FBXO16: variants seen among roughly 807,000 people sequenced by gnomAD.
FBXO16 encodes the protein F-box protein 16.
FBXO16 carries 31 observed loss-of-function variants against 41.0 expected under a neutral mutation model. The ratio of observed to expected loss-of-function variants is 0.76; its 90% CI spans 0.57 to 1.02. FBXO16 has a LOEUF of 1.02. FBXO16 is among the 50% of genes least tolerant of loss of function. The probability of loss-of-function intolerance (pLI) is 0.00; values close to 1 mark genes in which losing one functional copy is unlikely to be tolerated. For missense variants in FBXO16, 361 were observed against 346.2 expected (o/e 1.04, Z -0.34); for synonymous variants, 133 against 117.8 (o/e 1.13, Z -0.84).
rs1803668982 is a variant in FBXO16 at position 28,490,198 on chromosome 8, G to A, written c.-29C>T. ...CCACAGCTCTCACCTCTTTTAGCTT[G>A]TCTCCCTCTTCAAGCCTCAAGCGCT... On this transcript the variant is annotated 5_prime_UTR_variant, in exon 1 of 9. Coordinates refer to ENST00000380254, the MANE Select transcript of FBXO16 (RefSeq NM_172366.4). 1 of 152,144 alleles carries A rather than the reference G, an allele frequency of 6.6e-6. No homozygotes were observed. Among genetic ancestry groups the A allele is most frequent in the Non-Finnish European group, 1.5e-5 (1 of 68,034 alleles). The allele number at this position is 152,144 out of a possible 1,614,324, so 9.4% of individuals were successfully genotyped here.
At chr8:28,457,301 T>C (rs1188508301) in intron 4 of FBXO16, among the ~76,000 whole-genome samples, 1 of 152,236 alleles carries the variant, frequency 6.6e-6, no homozygotes, top group African/African-American at 2.4e-5. Flanking sequence ...CTGAAGGTCA[T>C]ATAAAAGTTG....
At chr8:28,463,456 ATATG>A (rs1189976988) in intron 4 of FBXO16, among the ~76,000 whole-genome samples, 152 bp downstream of exon 4, 2 of 151,164 alleles carry the variant, frequency 1.3e-5, no homozygotes, top group Admixed American at 6.6e-5. Flanking sequence ...GTTTATGAGT[ATATG>A]TGTGTCTAAG....
At chr8:28,489,521 T>C in intron 1 of FBXO16, among the ~76,000 whole-genome samples, 1 of 41,144 alleles carries the variant, frequency 2.4e-5, no homozygotes, top group Admixed American at 3.3e-4. Context: ...AAACCCTATC[T>C]CTACAAAAAA....
chr8:28,465,626 A>G (rs968540906), intron 3 of FBXO16, among the ~76,000 whole-genome samples: 1 of 152,106 alleles, frequency 6.6e-6, no homozygotes, highest in African/African-American at 2.4e-5. Flanking sequence ...AAAAATAAAA[A>G]AAAAATAAAA....
chr8:28,464,749 G>T (rs1803205744), intron 3 of FBXO16, among the ~76,000 whole-genome samples: 2 of 152,138 alleles, frequency 1.3e-5, no homozygotes, highest in African/African-American at 4.8e-5. Flanking sequence ...CACCTCCTGG[G>T]TTCAAGTGAT....
At chr8:28,447,379 G>T in intron 6 of FBXO16, 106 bp from the exon 7 acceptor site, 1 of 981,994 alleles carries the variant, frequency 1.0e-6, no homozygotes, top group Non-Finnish European at 1.5e-6. Context: ...TGATTTAAAA[G>T]ATTGTCTCCA....
chr8:28,483,546 C>G, intron 1 of FBXO16, 84 bp from the exon 2 acceptor site: 1 of 901,166 alleles, frequency 1.1e-6, no homozygotes, highest in Non-Finnish European at 1.8e-6. Context: ...CAGCCAGGCA[C>G]GATGGCTCAC....
At chr8:28,441,745 A>AAC (rs1184598789) in intron 7 of FBXO16, among the ~76,000 whole-genome samples, 2 of 139,606 alleles carry the variant, frequency 1.4e-5, no homozygotes, top group African/African-American at 5.3e-5. Context: ...TCAAAAAAAA[A>AAC]AAAAAACTAA....
chr8:28,473,846 C>A (rs781750893), intron 2 of FBXO16, 39 bp from the exon 3 acceptor site: 11 of 1,476,966 alleles, frequency 7.4e-6, no homozygotes, highest in Non-Finnish European at 9.4e-6. Flanking sequence ...TTTCATATAC[C>A]ATAGTTCAAA....
At chr8:28,428,888 C>T (rs1802566401) in intron 8 of FBXO16, 152 bp from the exon 9 acceptor site, 2 of 893,870 alleles carry the variant, frequency 2.2e-6, no homozygotes, top group Non-Finnish European at 3.3e-6. Context: ...CTCCCCTCTG[C>T]CCCCATGCAA....
intron 2 of FBXO16, among the ~76,000 whole-genome samples, chr8:28,474,826 ATGTGAT>A (rs1348134476): frequency 6.6e-6 from 1 of 152,238 alleles, no homozygotes; most frequent in East Asian, 1.9e-4. Context: ...AATTGAAAGA[ATGTGAT>A]TGTGAGAATG....
chr8:28,464,774 C>T (rs947006800), intron 3 of FBXO16, among the ~76,000 whole-genome samples: 3 of 152,156 alleles, frequency 2.0e-5, no homozygotes, highest in East Asian at 3.8e-4. Flanking sequence ...CTGCCTCAGC[C>T]TCCCGAGTAG....
chr8:28,445,383 G>A (rs2130110125), intron 7 of FBXO16, among the ~76,000 whole-genome samples: 1 of 152,328 alleles, frequency 6.6e-6, no homozygotes, highest in East Asian at 1.9e-4. Flanking sequence ...GGATGGCTTA[G>A]CTTTGGGTTT....
rs753376225 is a variant in FBXO16 at position 28,452,406 on chromosome 8, T to C, written c.578A>G (p.Gln193Arg). ...GGACCGAAAAGCTGATAAAGGGGAC[T>C]GTTTTTCCTCTGGAGAATTGCTTGT... is the stretch of plus-strand genomic sequence containing the variant. ...LVTSNSPEEK[Q>R]SPLSAFRSSS... Residue 193 changes from glutamine to arginine, a missense_variant, in exon 6 of 9, where the codon CAG becomes CGG. Coordinates refer to ENST00000380254, the MANE Select transcript of FBXO16 (RefSeq NM_172366.4). 1.7e-5 allele frequency: 27 copies of C among 1,614,246 alleles called. No homozygotes were observed. Among genetic ancestry groups the C allele is most frequent in the Non-Finnish European group, 2.2e-5 (26 of 1,180,054 alleles).
At chr8:28,458,845 G>C (rs1260647188) in intron 4 of FBXO16, among the ~76,000 whole-genome samples, 1 of 151,986 alleles carries the variant, frequency 6.6e-6, no homozygotes, top group African/African-American at 2.4e-5. Context: ...GTGTTATTTT[G>C]TTTGTTTAAA....
intron 2 of FBXO16, 146 bp from the exon 3 acceptor site, chr8:28,473,953 A>C: frequency 1.6e-6 from 1 of 620,816 alleles, no homozygotes; most frequent in Non-Finnish European, 2.8e-6. Context: ...CTGAGGTTAT[A>C]TATTTTTACC....
intron 2 of FBXO16, among the ~76,000 whole-genome samples, chr8:28,474,019 T>C (rs1488447344): frequency 6.6e-6 from 1 of 151,548 alleles, no homozygotes; most frequent in Non-Finnish European, 1.5e-5. Context: ...GTGGAATAAT[T>C]CATATGAAAG....
At chr8:28,452,519 C>T (rs777601007) in intron 5 of FBXO16, 43 bp from the exon 6 acceptor site, 37 of 1,584,546 alleles carry the variant, frequency 2.3e-5, no homozygotes, top group Admixed American at 6.8e-5. Flanking sequence ...CACTATAATA[C>T]GCTGGGTGCG....
At chr8:28,470,337 A>G (rs1479283565) in intron 3 of FBXO16, among the ~76,000 whole-genome samples, 2 of 152,278 alleles carry the variant, frequency 1.3e-5, no homozygotes, top group South Asian at 2.1e-4. Flanking sequence ...TATTTACTCA[A>G]TTTACTACTG....
Sources: gnomAD v4.1 joint callset for allele counts (sites outside exome capture counted in the v4.1 genomes callset) on GRCh38, gnomAD v4.1.1 for gene constraint, MANE v1.5 for transcripts, NCBI Gene and HGNC (gene_info 2026-07-23, HGNC 2026-07-21) for gene names.